COMMD10: variants seen among roughly 807,000 people sequenced by gnomAD.
COMMD10 encodes COMM domain-containing protein 10.
Under a neutral mutation model 28.9 loss-of-function variants are expected in COMMD10, and 33 were observed. That is an observed-to-expected ratio of 1.14 (90% CI 0.87 to 1.53). COMMD10 has a LOEUF of 1.53. COMMD10 is among the 40% of genes most tolerant of loss of function. The probability of loss-of-function intolerance (pLI) is 0.00; values close to 1 mark genes in which losing one functional copy is unlikely to be tolerated. For missense variants in COMMD10, 310 were observed against 233.4 expected (o/e 1.33, Z -2.14); for synonymous variants, 110 against 81.7 (o/e 1.35, Z -1.87).
rs1014598083 is a variant in COMMD10, at chr5:116,095,999, A to T, written c.399+3299A>T. Among the ~76,000 whole-genome samples the T allele has an allele frequency of 6.6e-5, 10 of 152,096 alleles. No individual in the cohort carries two copies. In the South Asian group the frequency reaches 2.1e-3, roughly 32 times the overall value. ...GTCTATGCCAATATCACACTGCCTT[A>T]ATTATTATAGCTTAATAGTAAGTGT... On this transcript the variant is annotated intron_variant, in intron 4 of 6. Transcript: ENST00000274458.
intron 5 of COMMD10, among the ~76,000 whole-genome samples, chr5:116,284,334 GTGTATGTA>G (rs35927654): frequency 1.3e-5 from 2 of 149,152 alleles, no homozygotes; most frequent in African/African-American, 5.2e-5. Context: ...GTATGTGTGT[GTGTATGTA>G]TGTGTGTGTG....
At chr5:116,280,662 T>C (rs763929187) in intron 5 of COMMD10, among the ~76,000 whole-genome samples, 2 of 151,826 alleles carry the variant, frequency 1.3e-5, no homozygotes, top group Non-Finnish European at 2.9e-5. Context: ...TGACTAACAG[T>C]TGTAAATGTA....
At chr5:116,219,155 T>C (rs984349291) in intron 5 of COMMD10, among the ~76,000 whole-genome samples, 3 of 152,132 alleles carry the variant, frequency 2.0e-5, no homozygotes, top group Admixed American at 6.5e-5. Context: ...TCTTGGACTT[T>C]CAGCTTCCAG....
chr5:116,113,597 G>T (rs1751132445), intron 4 of COMMD10, among the ~76,000 whole-genome samples: 1 of 151,766 alleles, frequency 6.6e-6, no homozygotes, highest in South Asian at 2.1e-4. Flanking sequence ...GAGTTTCCAT[G>T]TATTTTATAT....
chr5:116,197,267 C>T (rs1054998095), intron 5 of COMMD10, among the ~76,000 whole-genome samples: 2 of 149,616 alleles, frequency 1.3e-5, no homozygotes, highest in Non-Finnish European at 2.9e-5. Context: ...GAAATTAACA[C>T]CTAGGATAAC....
intron 2 of COMMD10, 21 bp from the exon 3 acceptor site, chr5:116,091,057 TA>T: frequency 6.9e-7 from 1 of 1,439,956 alleles, no homozygotes; most frequent in Non-Finnish European, 9.7e-7. Context: ...GCTAATATAA[TA>T]GATTGCTATT....
chr5:116,134,957 A>G (rs1220545490), intron 5 of COMMD10, among the ~76,000 whole-genome samples: 2 of 152,126 alleles, frequency 1.3e-5, no homozygotes, highest in Middle Eastern at 3.2e-3. Flanking sequence ...TTACTTTATT[A>G]TTAATTTCAG....
chr5:116,092,076 C>T (rs891963112), intron 3 of COMMD10, among the ~76,000 whole-genome samples: 3 of 152,092 alleles, frequency 2.0e-5, no homozygotes, highest in Admixed American at 2.0e-4. Context: ...GAACAGGTAT[C>T]AGTGTTAAAA....
intron 4 of COMMD10, among the ~76,000 whole-genome samples, chr5:116,124,464 T>A (rs1751547914): frequency 6.6e-6 from 1 of 152,196 alleles, no homozygotes. Context: ...TCTTTTACAT[T>A]GGCTGAGGAG....
intron 5 of COMMD10, among the ~76,000 whole-genome samples, chr5:116,214,989 C>T (rs1486470159): frequency 6.6e-6 from 1 of 151,928 alleles, no homozygotes. Flanking sequence ...GTCTTTTCTC[C>T]CCAGCCTTCT....
intron 5 of COMMD10, among the ~76,000 whole-genome samples, chr5:116,211,749 G>T (rs1259393914): frequency 6.6e-6 from 1 of 152,000 alleles, no homozygotes; most frequent in Admixed American, 6.6e-5. Context: ...ATGTCTATTT[G>T]CAGCTACATT....
At position 116,085,067 on chromosome 5, in the gene COMMD10, G is replaced by T. The variant is rs775757089; in HGVS notation, c.15G>T (p.Ala5=). 2.5e-6 allele frequency: 4 copies of T among 1,609,810 alleles called. No individual in the cohort carries two copies. Among genetic ancestry groups the T allele is most frequent in the Non-Finnish European group, 8.5e-7 (1 of 1,178,968 alleles). The change falls in exon 1 of 7, where the codon GCG becomes GCT. Residue 5 remains alanine, a synonymous_variant. Coordinates refer to ENST00000274458, the MANE Select transcript of COMMD10 (RefSeq NM_016144.4). The stretch of plus-strand genomic sequence containing the variant: ...GAAAGCCGAAGATGGCGGTCCCCGC[G>T]GCGCTGATCCTACGGGAGAGCCCCA... The part of the protein sequence containing the change: MAVP[A]ALILRESPSM...
intron 5 of COMMD10, among the ~76,000 whole-genome samples, chr5:116,265,705 G>A (rs937999370): frequency 2.6e-5 from 4 of 151,704 alleles, no homozygotes; most frequent in African/African-American, 9.7e-5. Flanking sequence ...TCCTCATATT[G>A]CTGTCAAGTA....
chr5:116,149,700 G>T (rs1249648173), intron 5 of COMMD10, among the ~76,000 whole-genome samples: 1 of 149,546 alleles, frequency 6.7e-6, no homozygotes, highest in Non-Finnish European at 1.5e-5. Flanking sequence ...TTTTGATGGG[G>T]TTGTTTGTTT....
intron 5 of COMMD10, among the ~76,000 whole-genome samples, chr5:116,136,969 A>G (rs1394675918): frequency 6.6e-6 from 1 of 152,078 alleles, no homozygotes; most frequent in African/African-American, 2.4e-5. Flanking sequence ...TATATCTCCT[A>G]AACAATAGAC....
At chr5:116,269,214 A>G (rs1374724708) in intron 5 of COMMD10, among the ~76,000 whole-genome samples, 1 of 151,880 alleles carries the variant, frequency 6.6e-6, no homozygotes, top group Non-Finnish European at 1.5e-5. Context: ...CTGTACAGAA[A>G]GTACTCTTTA....
chr5:116,230,284 A>C (rs1172099970), intron 5 of COMMD10, among the ~76,000 whole-genome samples: 1 of 151,980 alleles, frequency 6.6e-6, no homozygotes, highest in African/African-American at 2.4e-5. Context: ...TAGCATCTTA[A>C]AATACCATAC....
intron 4 of COMMD10, among the ~76,000 whole-genome samples, chr5:116,119,225 T>C (rs1751341849): frequency 6.6e-6 from 1 of 152,240 alleles, no homozygotes; most frequent in Admixed American, 6.5e-5. Flanking sequence ...AGGGATATAA[T>C]TAAGTTCCTT....
chr5:116,238,830 A>G (rs1047156014), intron 5 of COMMD10, among the ~76,000 whole-genome samples: 19 of 152,204 alleles, frequency 1.2e-4, no homozygotes, highest in Admixed American at 2.6e-4. Flanking sequence ...TGGATAATAC[A>G]TACATCAGTA....
Sources: allele counts gnomAD v4.1 joint callset (sites outside exome capture counted in the v4.1 genomes callset), GRCh38; gene constraint gnomAD v4.1.1; transcripts MANE v1.5; gene names NCBI Gene and HGNC (gene_info 2026-07-23, HGNC 2026-07-21).